Variants in KDM5A observed in about 807,000 individuals in gnomAD.
KDM5A encodes the protein lysine demethylase 5A, also known as lysine-specific demethylase 5A.
KDM5A carries 42 observed loss-of-function variants against 193.5 expected under a neutral mutation model. The ratio of observed to expected loss-of-function variants is 0.22; its 90% CI spans 0.17 to 0.28. The LOEUF is 0.28. KDM5A is among the 10% of genes least tolerant of loss of function. The pLI is 1.00. For synonymous variants in KDM5A, 796 were observed against 718.1 expected, an observed-to-expected ratio of 1.11 and a Z score of -1.73; for missense variants, 1,692 against 2,055.1, an observed-to-expected ratio of 0.82 and a Z score of 3.42.
intron 3 of KDM5A, among the ~76,000 whole-genome samples, chr12:381,317 C>T (rs1229586657): frequency 6.6e-6 from 1 of 151,606 alleles, no homozygotes; most frequent in Non-Finnish European, 1.5e-5. Context: ...ATCATGTTGG[C>T]CAGGCTGGTC....
intron 5 of KDM5A, among the ~76,000 whole-genome samples, chr12:361,760 T>C (rs1455598921): frequency 1.3e-5 from 2 of 152,142 alleles, no homozygotes; most frequent in African/African-American, 2.4e-5. Context: ...AAACCAGAGT[T>C]TACTAATTCA....
intron 24 of KDM5A, among the ~76,000 whole-genome samples, chr12:300,535 T>C (rs1324731686): frequency 6.6e-6 from 1 of 152,088 alleles, no homozygotes; most frequent in Non-Finnish European, 1.5e-5. Context: ...TTTAAAGCAG[T>C]GTGTAGAGGG....
chr12:334,354 A>T lies in KDM5A; in HGVS notation c.1377T>A (p.Ile459=), dbSNP rs771179667. 4 of 1,613,786 alleles carry T rather than the reference A, an allele frequency of 2.5e-6. No individual in the cohort carries two copies. The highest frequency in any genetic ancestry group is 3.4e-6 in the Non-Finnish European group (4 of 1,179,638). The change falls in exon 11 of 28, where the codon ATT becomes ATA. Residue 459 remains isoleucine, a synonymous_variant. Coordinates refer to ENST00000399788, the MANE Select transcript of KDM5A (RefSeq NM_001042603.3). ...CTTTCATACCAGAGATGTCCACATT[A>T]ATATGTGCAAGAACAGACTGTTCCA... is the stretch of plus-strand genomic sequence containing the variant. The part of the protein sequence containing the change: ...PVLEQSVLAH[I]NVDISGMKVP...
intron 3 of KDM5A, among the ~76,000 whole-genome samples, chr12:371,221 T>C (rs1384874475): frequency 3.3e-5 from 5 of 152,228 alleles, no homozygotes. Flanking sequence ...AACTAGTTTA[T>C]AGTCCCACTA....
rs550995900 is a variant in KDM5A, at chr12:343,213, G to T, written c.1308+7408C>A. ...GATCAATCTGCTGAGGCAGCAGCCT[G>T]GCTGGGGGAGGGGCGTCCACCATTG... On this transcript the variant is annotated intron_variant, in intron 10 of 27. Coordinates refer to ENST00000399788, the MANE Select transcript of KDM5A (RefSeq NM_001042603.3). 1.8e-3 allele frequency among the ~76,000 whole-genome samples: 275 copies of T among 151,770 alleles called. 1 individual carries two copies. Among genetic ancestry groups the T allele is most frequent in the Non-Finnish European group, 2.8e-3 (189 of 67,884 alleles).
Position 307,602 on chromosome 12 carries a change from C to A in KDM5A, c.3782G>T (p.Arg1261Leu), listed in dbSNP as rs769958812. The stretch of plus-strand genomic sequence containing the variant: ...TAGTTCATCTGTGGCTAGAGCCTGC[C>A]GCGCTCTATCTTGCCAACTCATAGC... The part of the protein sequence containing the change: ...ERAMSWQDRA[R>L]QALATDELSS... Residue 1261 changes from arginine (R) to leucine (L), a missense_variant, in exon 23 of 28, where the codon CGG becomes CTG. Physicochemically the swap from Arg to Leu is moderately radical, Grantham distance 102 (BLOSUM62 -2). Around this residue, in one of 11 missense-constraint regions of KDM5A, gnomAD observed 965 missense variants for 1,061.0 expected, o/e 0.91. Coordinates refer to ENST00000399788, the MANE Select transcript of KDM5A (RefSeq NM_001042603.3). This position sits in a 1 kb window ranked among gnomAD's most constrained non-coding sequence, Gnocchi z 4.3. The A allele has an allele frequency of 6.2e-7, 1 of 1,614,134 alleles. No individual in the cohort carries two copies. The highest frequency in any genetic ancestry group is 1.7e-5 in the Admixed American group (1 of 60,030).
chr12:373,849 T>C (rs1944465564), intron 3 of KDM5A, among the ~76,000 whole-genome samples: 1 of 152,200 alleles, frequency 6.6e-6, no homozygotes, highest in African/African-American at 2.4e-5. Context: ...CCAGTAGTCA[T>C]TCAGGAGCAG....
chr12:293,255 A>G, intron 26 of KDM5A, 86 bp from the exon 27 acceptor site: 1 of 1,156,936 alleles, frequency 8.6e-7, no homozygotes, highest in African/African-American at 1.5e-5. Flanking sequence ...CCTAGAATAG[A>G]CACATTCGGA....
Position 328,888 on chromosome 12 carries a change from A to G in KDM5A, c.1915T>C (p.Leu639=), listed in dbSNP as rs1943827058. 6.2e-7 allele frequency: 1 copy of G among 1,614,218 alleles called. No homozygotes were observed. The highest frequency in any genetic ancestry group is 8.5e-7 in the Non-Finnish European group (1 of 1,180,032). Residue 639 remains leucine (L), a synonymous_variant, in exon 14 of 28, where the codon TTG becomes CTG. Coordinates refer to ENST00000399788, the MANE Select transcript of KDM5A (RefSeq NM_001042603.3). The part of the protein sequence containing the change: ...VGLAAMVCKE[L]TLMTEEETRL... ...GTTTCTTCTTCAGTCATGAGAGTCA[A>G]TTCTTTGCAGACCATGGCAGCCAGC...
intron 13 of KDM5A, among the ~76,000 whole-genome samples, chr12:331,145 A>G (rs914159154): frequency 3.9e-5 from 6 of 152,200 alleles, no homozygotes; most frequent in Non-Finnish European, 8.8e-5. Context: ...TATCAGAAAA[A>G]AAAAATTAAG....
chr12:283,663 A>T lies in KDM5A; in HGVS notation c.*1793T>A. 1 of 233,416 alleles carries T rather than the reference A, an allele frequency of 4.3e-6. No homozygotes were observed. Among genetic ancestry groups the T allele is most frequent in the South Asian group, 1.8e-4 (1 of 5,518 alleles). 14.5% of individuals were successfully genotyped at this position (233,416 alleles called of 1,614,324 possible). A position where few individuals can be genotyped will look rare whatever the true frequency, so the allele number is the denominator to read the frequency against. ...CAGTTCTTTAAAAGAGACTGGGGCA[A>T]AAAGGGAAGAGGAAACTATAAGCTG... On this transcript the variant is annotated 3_prime_UTR_variant, in exon 28 of 28. Transcript: ENST00000399788.
chr12:337,830 A>C (rs1295320264), intron 10 of KDM5A, among the ~76,000 whole-genome samples: 1 of 151,956 alleles, frequency 6.6e-6, no homozygotes, highest in African/African-American at 2.4e-5. Flanking sequence ...CTCAGTAGAG[A>C]TGGGGTTTCA....
intron 10 of KDM5A, among the ~76,000 whole-genome samples, chr12:349,917 T>G (rs1257580456): frequency 6.7e-6 from 1 of 148,414 alleles, no homozygotes; most frequent in Non-Finnish European, 1.5e-5. Flanking sequence ...TCACCTGAGG[T>G]CGGGAGTTCG....
intron 10 of KDM5A, among the ~76,000 whole-genome samples, chr12:337,330 G>A (rs1943947276): frequency 6.6e-6 from 1 of 152,174 alleles, no homozygotes; most frequent in Non-Finnish European, 1.5e-5. Flanking sequence ...AATAAAGATT[G>A]TTAGGAAAAC....
At chr12:339,248 A>C (rs1389878490) in intron 10 of KDM5A, among the ~76,000 whole-genome samples, 1 of 152,154 alleles carries the variant, frequency 6.6e-6, no homozygotes, top group South Asian at 2.1e-4. Flanking sequence ...ATATCACAGA[A>C]GCTCAACACA....
At chr12:330,083 G>GTATA (rs773883406) in intron 13 of KDM5A, among the ~76,000 whole-genome samples, 2,278 of 127,148 alleles carry the variant, frequency 0.018, 62 homozygotes, top group African/African-American at 0.066. Flanking sequence ...GTGTGTGTGT[G>GTATA]TGTATATATA....
chr12:333,967 G>C lies in KDM5A; in HGVS notation c.1490+274C>G, dbSNP rs567507971. Among the ~76,000 whole-genome samples, 13 of 152,254 alleles carry C rather than the reference G, an allele frequency of 8.5e-5. 1 individual carries two copies. In the South Asian group the frequency reaches 2.7e-3, roughly 32 times the overall value. ...ATGAAAAGTAAGCACTGTCCCAAAG[G>C]ATGCTGACACATGACCTTGATTCAG... On this transcript the variant is annotated intron_variant, in intron 11 of 27. Coordinates refer to ENST00000399788, the MANE Select transcript of KDM5A (RefSeq NM_001042603.3).
chr12:296,630 A>G (rs1943377925), intron 25 of KDM5A, among the ~76,000 whole-genome samples: 1 of 152,240 alleles, frequency 6.6e-6, no homozygotes, highest in Admixed American at 6.5e-5. Flanking sequence ...TTAACATCAC[A>G]GAGAAAATCA....
rs564431218 is a variant in KDM5A, at chr12:357,637, G to A, written c.673-1100C>T. On this transcript the variant is annotated intron_variant, in intron 5 of 27. Coordinates refer to ENST00000399788, the MANE Select transcript of KDM5A (RefSeq NM_001042603.3). ...AAGGTCAGGAGTTCTAAACCAGCCC[G>A]CCCAATATGGTGAAACCCCGTCTCT... 9.9e-5 allele frequency among the ~76,000 whole-genome samples: 15 copies of A among 151,616 alleles called. No homozygotes were observed. In the East Asian group the frequency reaches 1.4e-3, roughly 14 times the overall value.
Sources: allele counts gnomAD v4.1 joint callset (sites outside exome capture counted in the v4.1 genomes callset), GRCh38; gene constraint gnomAD v4.1.1; regional missense constraint gnomAD v4.1.1; non-coding constraint Gnocchi (gnomAD v3.1); transcripts MANE v1.5; gene names NCBI Gene and HGNC (gene_info 2026-07-23, HGNC 2026-07-21).